Variants in TMEM217 observed in about 807,000 individuals in gnomAD.
TMEM217 encodes chromosome 6 open reading frame 128.
For synonymous variants in TMEM217, 76 were observed against 88.3 expected, an observed-to-expected ratio of 0.86 and a Z score of 0.78; for missense variants, 204 against 248.8, an observed-to-expected ratio of 0.82 and a Z score of 1.21.
downstream of TMEM217, chr6:37,215,369 G>A: frequency 4.8e-6 from 7 of 1,459,448 alleles, no homozygotes; most frequent in Non-Finnish European, 4.6e-6. Flanking sequence ...GAGGTCAGGA[G>A]TTCAAGACCA....
chr6:37,213,014 TAC>T (rs749064142), downstream of TMEM217: 16 of 1,503,716 alleles, frequency 1.1e-5, no homozygotes, highest in Non-Finnish European at 1.3e-5. Flanking sequence ...AAGAAAATCA[TAC>T]AGACACGTGA....
At chr6:37,236,274 CA>C (rs1764498626) in intron 1 of TMEM217, among the ~76,000 whole-genome samples, 1 of 152,130 alleles carries the variant, frequency 6.6e-6, no homozygotes, top group African/African-American at 2.4e-5. Flanking sequence ...AGGCATGAGC[CA>C]CTGTGCCTGG....
intron 1 of TMEM217, among the ~76,000 whole-genome samples, chr6:37,255,388 A>G (rs529976560): frequency 3.5e-4 from 54 of 152,228 alleles, no homozygotes; most frequent in Non-Finnish European, 6.8e-4. Context: ...ACATTTTAAC[A>G]GGGTGTCTCT....
chr6:37,217,288 G>A (rs954941294), downstream of TMEM217, among the ~76,000 whole-genome samples: 53 of 152,110 alleles, frequency 3.5e-4, no homozygotes, highest in African/African-American at 1.2e-3. Context: ...AGCCAGACTC[G>A]GTCTCAAAAA....
chr6:37,220,924 G>A (rs1763473889), intron 1 of TMEM217, among the ~76,000 whole-genome samples: 1 of 151,788 alleles, frequency 6.6e-6, no homozygotes, highest in African/African-American at 2.4e-5. Flanking sequence ...TATAATTCAT[G>A]CATATATAAT....
chr6:37,216,225 C>A (rs1763197999), downstream of TMEM217, among the ~76,000 whole-genome samples: 2 of 151,918 alleles, frequency 1.3e-5, no homozygotes, highest in African/African-American at 4.8e-5. Context: ...ATTACAGGTG[C>A]CTGCCACTAT....
downstream of TMEM217, among the ~76,000 whole-genome samples, chr6:37,217,035 T>C (rs1763240437): frequency 2.0e-5 from 3 of 152,220 alleles, no homozygotes; most frequent in South Asian, 6.2e-4. Flanking sequence ...GACTCACACC[T>C]GTACTCCCAG....
downstream of TMEM217, among the ~76,000 whole-genome samples, chr6:37,213,915 A>T (rs996411431): frequency 3.9e-5 from 6 of 152,212 alleles, no homozygotes; most frequent in Non-Finnish European, 5.9e-5. Context: ...GCACAGTCAC[A>T]CATTAGGAGA....
At chr6:37,253,235 A>C (rs1186857565) in intron 1 of TMEM217, among the ~76,000 whole-genome samples, 1 of 152,132 alleles carries the variant, frequency 6.6e-6, no homozygotes, top group African/African-American at 2.4e-5. Flanking sequence ...AATTTACATA[A>C]CTTCTTCTCA....
In TMEM217 at chr6:37,257,558, C is replaced by A; in HGVS notation, c.-12+10G>T. Reference sequence around the variant, plus strand: ...ATCCCCTCTTCCTTCCCATAGGTCCCTTACCTTACCTGCTTCTTCCCTCTC... The same window carrying A: ...ATCCCCTCTTCCTTCCCATAGGTCCATTACCTTACCTGCTTCTTCCCTCTC... On this transcript the variant is annotated intron_variant, in intron 1 of 1. Coordinates refer to ENST00000357219, the Ensembl canonical transcript of TMEM217. 3.1e-6 allele frequency: 1 copy of A among 325,558 alleles called. No individual in the cohort carries two copies. The highest frequency in any genetic ancestry group is 3.9e-5 in the South Asian group (1 of 25,886). The allele number at this position is 325,558 out of a possible 1,614,324, so 20.2% of individuals were successfully genotyped here. A position where few individuals can be genotyped will look rare whatever the true frequency, so the allele number is the denominator to read the frequency against.
chr6:37,220,813 A>G (rs1763465919), intron 1 of TMEM217, among the ~76,000 whole-genome samples: 1 of 152,208 alleles, frequency 6.6e-6, no homozygotes, highest in Non-Finnish European at 1.5e-5. Context: ...ACAAGCTGAA[A>G]CAACAGATAG....
chr6:37,225,175 C>T (rs1166977612), intron 1 of TMEM217, among the ~76,000 whole-genome samples: 4 of 151,394 alleles, frequency 2.6e-5, no homozygotes, highest in East Asian at 1.9e-4. Context: ...ACTCCAGCCT[C>T]GGTGACAGAG....
At chr6:37,224,615 G>GA (rs70977635) in intron 1 of TMEM217, among the ~76,000 whole-genome samples, 119,506 of 149,460 alleles carry the variant, frequency 0.8, 48,093 homozygotes, top group East Asian at 0.9. Flanking sequence ...ACAAACAAAC[G>GA]AAAAAAAAAC....
rs1195687880 is a variant in TMEM217 at position 37,212,436 on chromosome 6, C to T, written c.*561G>A. On this transcript the variant is annotated 3_prime_UTR_variant, in exon 4 of 4. Transcript: ENST00000336655. ...TGGTTCAGTTTAACTTCCGGTACAA[C>T]ATTCCCAGACGGACAGGTAGTCATG... 6 of 425,366 alleles carry T rather than the reference C, an allele frequency of 1.4e-5. No homozygotes were observed. In the Admixed American group the frequency reaches 1.5e-4, roughly 11 times the overall value. The allele number at this position is 425,366 out of a possible 1,614,324, so 26.3% of individuals were successfully genotyped here. A position where few individuals can be genotyped will look rare whatever the true frequency, so the allele number is the denominator to read the frequency against.
At chr6:37,228,108 T>C (rs1208218686) in intron 1 of TMEM217, among the ~76,000 whole-genome samples, 1 of 152,082 alleles carries the variant, frequency 6.6e-6, no homozygotes, top group Non-Finnish European at 1.5e-5. Context: ...GGTATGAAGA[T>C]ACTAGGGCTG....
intron 1 of TMEM217, among the ~76,000 whole-genome samples, chr6:37,240,679 T>C (rs1764723050): frequency 6.6e-6 from 1 of 152,222 alleles, no homozygotes; most frequent in Non-Finnish European, 1.5e-5. Context: ...TGAGGCCGGC[T>C]ATCACATCTC....
chr6:37,228,377 G>A (rs73417849), intron 1 of TMEM217, among the ~76,000 whole-genome samples: 4,429 of 152,290 alleles, frequency 0.029, 184 homozygotes, highest in Middle Eastern at 0.092. Context: ...GGGCCATGTT[G>A]CAATTTTCAC....
intron 1 of TMEM217, among the ~76,000 whole-genome samples, chr6:37,254,089 T>G (rs1350874531): frequency 2.6e-5 from 4 of 152,200 alleles, no homozygotes; most frequent in African/African-American, 9.7e-5. Flanking sequence ...CATACTGTAT[T>G]AGTAACAGAA....
intron 1 of TMEM217, among the ~76,000 whole-genome samples, chr6:37,243,353 G>A (rs1418375879): frequency 6.6e-6 from 1 of 152,146 alleles, no homozygotes; most frequent in Non-Finnish European, 1.5e-5. Flanking sequence ...AGAATGGATT[G>A]AAAGGGGGAA....
Sources: gnomAD v4.1 joint callset for allele counts (sites outside exome capture counted in the v4.1 genomes callset) on GRCh38, gnomAD v4.1.1 for gene constraint, MANE v1.5 for transcripts, NCBI Gene and HGNC (gene_info 2026-07-23, HGNC 2026-07-21) for gene names.